Variants in UNC79 observed in about 807,000 individuals in gnomAD.
The protein encoded by UNC79 is unc-79 subunit of NALCN channel complex, also known as protein unc-79 homolog.
A neutral mutation model predicts 283.1 loss-of-function variants in UNC79; 37 were observed. The ratio of observed to expected loss-of-function variants is 0.13; its 90% CI spans 0.10 to 0.17. UNC79 has a LOEUF of 0.17. Ranked by LOEUF, UNC79 falls within the 10% of genes least tolerant of loss-of-function variation. The probability of loss-of-function intolerance (pLI) is 1.00; values close to 1 mark genes in which losing one functional copy is unlikely to be tolerated. For missense variants in UNC79, 2,272 were observed against 3,211.1 expected, an observed-to-expected ratio of 0.71 and a Z score of 7.07; for synonymous variants, 1,107 against 1,200.2, an observed-to-expected ratio of 0.92 and a Z score of 1.61.
chr14:93,646,972 T>G (rs2140271082), intron 35 of UNC79, among the ~76,000 whole-genome samples: 1 of 152,356 alleles, frequency 6.6e-6, no homozygotes, highest in East Asian at 1.9e-4. Context: ...ATTCATTCAT[T>G]CACTCATTTT....
At position 93,656,263 on chromosome 14, in the gene UNC79, G is replaced by T. The variant is rs539023476; in HGVS notation, c.6456+856G>T. ...CTTTGAACCTGACCTGTTCCATGAG[G>T]TTTTTTGTGCTTTCTCTATGCAGAT... On this transcript the variant is annotated intron_variant, in intron 38 of 48. Transcript: ENST00000555664. 5.3e-5 allele frequency among the ~76,000 whole-genome samples: 8 copies of T among 152,168 alleles called. No individual in the cohort carries two copies. In the South Asian group the frequency reaches 1.7e-3, roughly 32 times the overall value.
chr14:93,472,983 G>A (rs2057601292), intron 2 of UNC79, among the ~76,000 whole-genome samples: 1 of 152,030 alleles, frequency 6.6e-6, no homozygotes, highest in African/African-American at 2.4e-5. Flanking sequence ...ATTTTGCTAA[G>A]CAGTAACTTC....
intron 1 of UNC79, among the ~76,000 whole-genome samples, chr14:93,432,615 A>G (rs901710067): frequency 1.3e-5 from 2 of 152,178 alleles, no homozygotes; most frequent in African/African-American, 4.8e-5. Flanking sequence ...CATGTTTCTG[A>G]AAGTTAAATC....
At chr14:93,525,725 C>G (rs954950867) in intron 8 of UNC79, among the ~76,000 whole-genome samples, 1 of 152,022 alleles carries the variant, frequency 6.6e-6, no homozygotes, top group Admixed American at 6.6e-5. Flanking sequence ...TTTGGGTCAC[C>G]CAGACATCAA....
chr14:93,687,648 A>G (rs2074350381), intron 43 of UNC79, among the ~76,000 whole-genome samples: 1 of 152,186 alleles, frequency 6.6e-6, no homozygotes, highest in African/African-American at 2.4e-5. Flanking sequence ...CCCAGGCAGA[A>G]AGTAGAATCA....
intron 47 of UNC79, among the ~76,000 whole-genome samples, chr14:93,697,681 G>A (rs1393225022): frequency 6.6e-6 from 1 of 152,126 alleles, no homozygotes; most frequent in Non-Finnish European, 1.5e-5. Context: ...CAAGGAGGGA[G>A]GATTGCTTGG....
chr14:93,404,493 A>AAAAAAAAATATATATATATAAATAT, intron 1 of UNC79, among the ~76,000 whole-genome samples: 1 of 61,500 alleles, frequency 1.6e-5, no homozygotes, highest in Admixed American at 2.4e-4. Flanking sequence ...TTCTAAAAAA[A>AAAAAAAAATATATATATATAAATAT]ATATATATAT....
intron 1 of UNC79, among the ~76,000 whole-genome samples, chr14:93,445,657 T>G (rs1429437804): frequency 6.6e-6 from 1 of 152,210 alleles, no homozygotes; most frequent in Non-Finnish European, 1.5e-5. Flanking sequence ...TTTTCTATAG[T>G]TTCTGAAAGG....
At chr14:93,359,471 A>G (rs546021026) in intron 1 of UNC79, among the ~76,000 whole-genome samples, 33 of 152,248 alleles carry the variant, frequency 2.2e-4, no homozygotes, top group Non-Finnish European at 4.0e-4. Flanking sequence ...GAATTTAAAT[A>G]AAATGGGGAT....
intron 47 of UNC79, 70 bp downstream of exon 50, chr14:93,694,482 G>C: frequency 7.1e-7 from 1 of 1,408,512 alleles, no homozygotes; most frequent in South Asian, 1.2e-5. Context: ...TATGTTGAAG[G>C]TACTTTCTGA....
chr14:93,341,337 A>T (rs112449184), intron 1 of UNC79, among the ~76,000 whole-genome samples: 11,157 of 152,022 alleles, frequency 0.073, 864 homozygotes, highest in African/African-American at 0.19. Flanking sequence ...CATGGCTGTA[A>T]TCCCAGCTAC....
At chr14:93,429,542 TTTG>T, upstream of UNC79, among the ~76,000 whole-genome samples, 1 of 152,328 alleles carries the variant, frequency 6.6e-6, no homozygotes, top group Admixed American at 6.5e-5. Flanking sequence ...TTCCTTGATG[TTTG>T]TTCATAATAT....
At chr14:93,670,051 C>T (rs1025441254) in intron 40 of UNC79, among the ~76,000 whole-genome samples, 1 of 152,172 alleles carries the variant, frequency 6.6e-6, no homozygotes, top group Non-Finnish European at 1.5e-5. Flanking sequence ...GAGACACTTG[C>T]AATGTGCTGT....
intron 47 of UNC79, among the ~76,000 whole-genome samples, chr14:93,699,833 A>T (rs1349907718): frequency 6.6e-6 from 1 of 152,146 alleles, no homozygotes; most frequent in Non-Finnish European, 1.5e-5. Context: ...ATGTTCAGTT[A>T]TATTTGCTAT....
chr14:93,502,129 A>G (rs1362259754), intron 7 of UNC79, among the ~76,000 whole-genome samples: 1 of 152,154 alleles, frequency 6.6e-6, no homozygotes, highest in Non-Finnish European at 1.5e-5. Context: ...GTTGGAAAGA[A>G]TTGGCCGGGC....
intron 1 of UNC79, among the ~76,000 whole-genome samples, chr14:93,467,426 A>C (rs2057242750): frequency 6.7e-6 from 1 of 148,908 alleles, no homozygotes; most frequent in African/African-American, 2.5e-5. Flanking sequence ...TTAAACCAGA[A>C]AACTAAGAAT....
At chr14:93,691,588 G>GT in intron 45 of UNC79, 161 bp from the exon 49 acceptor site, 1 of 720,738 alleles carries the variant, frequency 1.4e-6, no homozygotes, top group East Asian at 2.6e-5. Flanking sequence ...ACAGCAGATA[G>GT]TTTCAAGGTG....
rs2055839866 is a variant in UNC79 at position 93,430,655 on chromosome 14, C to G, written c.-375C>G. The G allele has an allele frequency of 5.4e-6, 1 of 185,566 alleles. No individual in the cohort carries two copies. Among genetic ancestry groups the G allele is most frequent in the Non-Finnish European group, 1.1e-5 (1 of 87,400 alleles). 11.5% of individuals were successfully genotyped at this position (185,566 alleles called of 1,614,324 possible). A position where few individuals can be genotyped will look rare whatever the true frequency, so the allele number is the denominator to read the frequency against. On this transcript the variant is annotated 5_prime_UTR_variant, in exon 1 of 49. Transcript: ENST00000555664. The surrounding 1 kb of genome is among the most constrained non-coding windows in gnomAD (Gnocchi z 4.6). ...GGAAACACCCGTCCCCTCCGTGCGCCTTATGAATGGAAATACTCCTCCCCC... is the reference window on the plus strand; with the variant it reads ...GGAAACACCCGTCCCCTCCGTGCGCGTTATGAATGGAAATACTCCTCCCCC...
At chr14:93,534,047 A>G (rs2060949435) in intron 11 of UNC79, among the ~76,000 whole-genome samples, 2 of 152,228 alleles carry the variant, frequency 1.3e-5, no homozygotes, top group Non-Finnish European at 2.9e-5. Flanking sequence ...CACCCAAGAC[A>G]CAATGTTGAG....
Sources: allele counts gnomAD v4.1 joint callset (sites outside exome capture counted in the v4.1 genomes callset), GRCh38; gene constraint gnomAD v4.1.1; non-coding constraint Gnocchi (gnomAD v3.1); transcripts MANE v1.5; gene names NCBI Gene and HGNC (gene_info 2026-07-23, HGNC 2026-07-21).